GNA13: variants seen among roughly 807,000 people sequenced by gnomAD.
GNA13 encodes G protein subunit alpha 13.
GNA13 carries 4 observed loss-of-function variants against 33.5 expected under a neutral mutation model. That is an observed-to-expected ratio of 0.12 (90% CI 0.06 to 0.27). The LOEUF (loss-of-function observed/expected upper bound fraction) is 0.27, where lower values mean the gene tolerates loss of function less well. Among genes scored for constraint, GNA13 ranks in the 10% least tolerant of loss-of-function variants. The pLI is 1.00. For missense variants in GNA13, 319 were observed against 487.2 expected (o/e 0.65, Z 3.25); for synonymous variants, 176 against 183.8 (o/e 0.96, Z 0.34).
chr17:65,035,679 C>T (rs1229773463), intron 2 of GNA13, among the ~76,000 whole-genome samples: 1 of 152,056 alleles, frequency 6.6e-6, no homozygotes, highest in African/African-American at 2.4e-5. Context: ...TGAAAAATCC[C>T]TCAAGGTTAA....
intron 3 of GNA13, among the ~76,000 whole-genome samples, chr17:65,015,297 T>G (rs1906323019): frequency 6.6e-6 from 1 of 152,126 alleles, no homozygotes; most frequent in Admixed American, 6.6e-5. Flanking sequence ...TATCAGCCAC[T>G]CTTGGTTCTA....
At chr17:65,054,502 A>G (rs760249257) in intron 1 of GNA13, among the ~76,000 whole-genome samples, 1 of 152,224 alleles carries the variant, frequency 6.6e-6, no homozygotes, top group Non-Finnish European at 1.5e-5. Flanking sequence ...AATAGAGACG[A>G]GGTCTGGCTA....
At chr17:65,029,606 T>A (rs898360475) in intron 2 of GNA13, among the ~76,000 whole-genome samples, 3 of 77,744 alleles carry the variant, frequency 3.9e-5, no homozygotes, top group Non-Finnish European at 1.0e-4. Flanking sequence ...CTTCACTCAA[T>A]ATCTTTTGCA....
rs1222309534 is a variant in GNA13, at chr17:65,012,290, C to G, written c.*1967G>C. The G allele has an allele frequency of 1.8e-5, 4 of 223,250 alleles. No homozygotes were observed. The highest frequency in any genetic ancestry group is 3.6e-5 in the Non-Finnish European group (4 of 111,902). 13.8% of individuals were successfully genotyped at this position (223,250 alleles called of 1,614,324 possible). ...ACTGGAGTCAAATGTTTTGGCCATTCAATTTGCTAAATGTATGGGTAAACT... is the reference window on the plus strand; with the variant it reads ...ACTGGAGTCAAATGTTTTGGCCATTGAATTTGCTAAATGTATGGGTAAACT... On this transcript the variant is annotated 3_prime_UTR_variant, in exon 4 of 4. Coordinates refer to ENST00000439174, the MANE Select transcript of GNA13 (RefSeq NM_006572.6).
intron 2 of GNA13, among the ~76,000 whole-genome samples, chr17:65,048,260 C>T (rs112059752): frequency 1.2e-4 from 19 of 152,154 alleles, no homozygotes; most frequent in Middle Eastern, 3.4e-3. Flanking sequence ...GAAATGACTC[C>T]TAGCCATTTT....
At chr17:65,027,151 G>T (rs1481608955) in intron 2 of GNA13, among the ~76,000 whole-genome samples, 2 of 152,096 alleles carry the variant, frequency 1.3e-5, no homozygotes, top group African/African-American at 2.4e-5. Context: ...TGAAAATCTA[G>T]TTTACTGACT....
In GNA13 at chr17:65,032,035, T is replaced by A. The variant is rs553407659; in HGVS notation, c.511-13732A>T. ...TAATAATTTCAGTCCTGGAAACATC[T>A]TGATAAAGTCATATATAAATAAGGA... is the stretch of plus-strand genomic sequence containing the variant. On this transcript the variant is annotated intron_variant, in intron 2 of 3. Transcript: ENST00000439174. Among the ~76,000 whole-genome samples the A allele has an allele frequency of 3.9e-5, 6 of 152,236 alleles. No homozygotes were observed. In the South Asian group the frequency reaches 1.2e-3, roughly 32 times the overall value.
In GNA13 at chr17:65,056,651, C is replaced by T; in HGVS notation, c.-58G>A. 5 of 1,417,558 alleles carry T rather than the reference C, an allele frequency of 3.5e-6. No homozygotes were observed. In the South Asian group the frequency reaches 6.7e-5, roughly 19 times the overall value. 87.8% of individuals were successfully genotyped at this position (1,417,558 alleles called of 1,614,324 possible). A position where few individuals can be genotyped will look rare whatever the true frequency, so the allele number is the denominator to read the frequency against. On this transcript the variant is annotated 5_prime_UTR_variant, in exon 1 of 4. Coordinates refer to ENST00000439174, the MANE Select transcript of GNA13 (RefSeq NM_006572.6). ...CTCCGGCTCCCTCCACCTCCTCCTC[C>T]GGCGGCGGGCGGCTCCGGCACCGAG...
rs1276619986 is a variant in GNA13 at position 65,012,516 on chromosome 17, C to T, written c.*1741G>A. 7 of 218,284 alleles carry T rather than the reference C, an allele frequency of 3.2e-5. No individual in the cohort carries two copies. Among genetic ancestry groups the T allele is most frequent in the Non-Finnish European group, 6.4e-5 (7 of 108,642 alleles). The allele number at this position is 218,284 out of a possible 1,614,324, so 13.5% of individuals were successfully genotyped here. On this transcript the variant is annotated 3_prime_UTR_variant, in exon 4 of 4. Transcript: ENST00000439174. ...GAACTTGCATCACGGTGCCGGGCTACGTATGTGTAGCTCATGGATTACCAT... is the reference window on the plus strand; with the variant it reads ...GAACTTGCATCACGGTGCCGGGCTATGTATGTGTAGCTCATGGATTACCAT...
At chr17:65,038,263 C>A (rs1567824241) in intron 2 of GNA13, among the ~76,000 whole-genome samples, 1 of 152,074 alleles carries the variant, frequency 6.6e-6, no homozygotes, top group Non-Finnish European at 1.5e-5. Context: ...ATTCACCGGG[C>A]CTGGTGGCAC....
chr17:65,022,645 A>C (rs1906624593), intron 2 of GNA13, among the ~76,000 whole-genome samples: 1 of 152,246 alleles, frequency 6.6e-6, no homozygotes, highest in African/African-American at 2.4e-5. Flanking sequence ...AACAAAAACA[A>C]AACACATGCA....
chr17:65,047,661 C>T (rs201788547), intron 2 of GNA13, among the ~76,000 whole-genome samples: 6 of 147,298 alleles, frequency 4.1e-5, no homozygotes, highest in Non-Finnish European at 7.5e-5. Flanking sequence ...GACTCTGATT[C>T]TTTTTTTTTT....
In GNA13 at chr17:65,009,541, G is replaced by C. The variant is rs1265806168; in HGVS notation, c.*4716C>G. ...AGATAATGTGCTTAGTTCCTGGAAA[G>C]TTATAAAAAGATATATGTAAAAAAA... On this transcript the variant is annotated 3_prime_UTR_variant, in exon 4 of 4. Transcript: ENST00000439174. 6.6e-6 allele frequency among the ~76,000 whole-genome samples: 1 copy of C among 151,928 alleles called. No homozygotes were observed. Among genetic ancestry groups the C allele is most frequent in the Non-Finnish European group, 1.5e-5 (1 of 67,988 alleles).
intron 2 of GNA13, among the ~76,000 whole-genome samples, chr17:65,037,788 A>AAAAAAAAAAAAAAAAAAAAAC (rs1907307364): frequency 1.3e-5 from 2 of 149,352 alleles, no homozygotes; most frequent in Admixed American, 6.7e-5. Context: ...GAAAAAAAAA[A>AAAAAAAAAAAAAAAAAAAAAC]AAAAAAAAAA....
Position 65,056,198 on chromosome 17 carries a change from G to A in GNA13, c.283+113C>T. ...CCCCCTTCCCGCCAGCCCGCCCGCCGGGCCCGTTCCTTCGCCAGCGACACA... is the reference window on the plus strand; with the variant it reads ...CCCCCTTCCCGCCAGCCCGCCCGCCAGGCCCGTTCCTTCGCCAGCGACACA... On this transcript the variant is annotated intron_variant, in intron 1 of 3. Coordinates refer to ENST00000439174, the MANE Select transcript of GNA13 (RefSeq NM_006572.6). The A allele has an allele frequency of 3.5e-6, 3 of 849,240 alleles. No homozygotes were observed. The South Asian group carries it at 7.9e-5, about 22-fold the overall frequency. The allele number at this position is 849,240 out of a possible 1,614,324, so 52.6% of individuals were successfully genotyped here. A position where few individuals can be genotyped will look rare whatever the true frequency, so the allele number is the denominator to read the frequency against.
chr17:65,026,146 C>A (rs1262840590), intron 2 of GNA13, among the ~76,000 whole-genome samples: 5 of 151,314 alleles, frequency 3.3e-5, no homozygotes, highest in Non-Finnish European at 5.9e-5. Context: ...AAAAACTATA[C>A]AATTTTCTAT....
Position 65,012,140 on chromosome 17 carries a change from C to T in GNA13, c.*2117G>A, listed in dbSNP as rs1906210523. The T allele has an allele frequency of 4.5e-6, 1 of 224,176 alleles. No individual in the cohort carries two copies. Among genetic ancestry groups the T allele is most frequent in the African/African-American group, 2.2e-5 (1 of 44,794 alleles). 13.9% of individuals were successfully genotyped at this position (224,176 alleles called of 1,614,324 possible). A position where few individuals can be genotyped will look rare whatever the true frequency, so the allele number is the denominator to read the frequency against. On this transcript the variant is annotated 3_prime_UTR_variant, in exon 4 of 4. Transcript: ENST00000439174. ...GTTTCAACACTTCTTGGTGGTAATTCAAAAGGGGGAAACTTGGTGATTTCT... is the reference window on the plus strand; with the variant it reads ...GTTTCAACACTTCTTGGTGGTAATTTAAAAGGGGGAAACTTGGTGATTTCT...
At chr17:65,045,192 T>C (rs1478263100) in intron 2 of GNA13, among the ~76,000 whole-genome samples, 1 of 152,016 alleles carries the variant, frequency 6.6e-6, no homozygotes, top group Admixed American at 6.6e-5. Context: ...AGCTAACTGG[T>C]TGCCATTAAA....
At chr17:65,034,423 C>G (rs577412641) in intron 2 of GNA13, among the ~76,000 whole-genome samples, 2 of 150,920 alleles carry the variant, frequency 1.3e-5, no homozygotes, top group Admixed American at 6.6e-5. Context: ...CTCAGCCTCC[C>G]GAGTAGCTGG....
Sources: allele counts gnomAD v4.1 joint callset (sites outside exome capture counted in the v4.1 genomes callset), GRCh38; gene constraint gnomAD v4.1.1; transcripts MANE v1.5; gene names NCBI Gene and HGNC (gene_info 2026-07-23, HGNC 2026-07-21).